The following STEAP3 variants were observed in gnomAD, a reference collection of about 807,000 sequenced individuals.
The protein encoded by STEAP3 is STEAP3 metalloreductase.
A neutral mutation model predicts 34.9 loss-of-function variants in STEAP3; 35 were observed. The ratio of observed to expected loss-of-function variants is 1.00; its 90% CI spans 0.76 to 1.33. STEAP3 has a LOEUF of 1.33. Among genes scored for constraint, STEAP3 ranks in the 40% most tolerant of loss-of-function variants. The pLI is 0.00. For synonymous variants in STEAP3, 281 were observed against 301.6 expected (o/e 0.93, Z 0.71); for missense variants, 652 against 667.6 (o/e 0.98, Z 0.26).
chr2:119,228,163 G>A (rs1298134523), intron 1 of STEAP3, among the ~76,000 whole-genome samples: 2 of 152,174 alleles, frequency 1.3e-5, no homozygotes, highest in Non-Finnish European at 1.5e-5. Flanking sequence ...GACTGGTGGG[G>A]TGGCCAGTAG....
At chr2:119,229,104 C>A (rs1050289343) in intron 1 of STEAP3, among the ~76,000 whole-genome samples, 11 of 152,188 alleles carry the variant, frequency 7.2e-5, no homozygotes, top group Non-Finnish European at 1.0e-4. Flanking sequence ...AACCCACCCA[C>A]TTAAACTGCC....
rs150662213 is a variant in STEAP3 at position 119,245,747 on chromosome 2, C to T, written c.281C>T (p.Pro94Leu). 86 of 1,614,084 alleles carry T rather than the reference C, an allele frequency of 5.3e-5. No individual in the cohort carries two copies. The highest frequency in any genetic ancestry group is 4.5e-4 in the Admixed American group (27 of 60,006). ...VTFQEEAVSS[P>L]EVIFVAVFRE... is the part of the protein sequence containing the mutation. ...TTCCAAGAGGAGGCAGTGAGCTCCC[C>T]GGAGGTCATCTTTGTGGCTGTGTTC... The change falls in exon 3 of 6, where the codon CCG (proline) becomes CTG (leucine). Residue 94 changes from proline to leucine, a missense_variant. By Grantham distance (98) the Pro-to-Leu change is moderately conservative (BLOSUM62 -3). Coordinates refer to ENST00000393110, the MANE Select transcript of STEAP3 (RefSeq NM_182915.3).
intron 5 of STEAP3, 90 bp downstream of exon 5, chr2:119,254,938 G>C: frequency 1.4e-6 from 2 of 1,477,404 alleles, no homozygotes; most frequent in Non-Finnish European, 1.8e-6. Flanking sequence ...AACTGCCTGG[G>C]CTCTGATCAT....
intron 2 of STEAP3, among the ~76,000 whole-genome samples, chr2:119,241,365 C>T (rs1004481030): frequency 1.3e-5 from 2 of 152,178 alleles, no homozygotes; most frequent in Admixed American, 1.3e-4. Flanking sequence ...GGCTCCGTCC[C>T]TACATCAGAA....
Position 119,248,209 on chromosome 2 carries a change from A to G in STEAP3, c.1050+3A>G. 1 of 1,574,036 alleles carries G rather than the reference A, an allele frequency of 6.4e-7. No individual in the cohort carries two copies. Among genetic ancestry groups the G allele is most frequent in the Non-Finnish European group, 8.6e-7 (1 of 1,158,704 alleles). ...TGGTCAACCTGGCAGTCAAGCAGGT[A>G]CCCACCCCATGCCCTTCCTCCCTCT... On this transcript the variant is annotated splice_donor_region_variant and intron_variant, in intron 4 of 5. Coordinates refer to ENST00000393110, the MANE Select transcript of STEAP3 (RefSeq NM_182915.3).
At chr2:119,254,961 A>G in intron 5 of STEAP3, 113 bp downstream of exon 5, 2 of 1,344,682 alleles carry the variant, frequency 1.5e-6, no homozygotes, top group Non-Finnish European at 2.0e-6. Flanking sequence ...GCACAGCAGG[A>G]CCACTCGGTG....
At chr2:119,240,654 G>A (rs893019257) in intron 2 of STEAP3, among the ~76,000 whole-genome samples, 20 of 152,236 alleles carry the variant, frequency 1.3e-4, no homozygotes, top group Admixed American at 1.2e-3. Flanking sequence ...AGAAGGAGGG[G>A]ACAGACAAGC....
intron 5 of STEAP3, among the ~76,000 whole-genome samples, chr2:119,255,777 T>C (rs1479332812): frequency 6.6e-6 from 1 of 151,768 alleles, no homozygotes; most frequent in African/African-American, 2.4e-5. Flanking sequence ...CAGAACATAC[T>C]CTGGGAAATG....
intron 5 of STEAP3, among the ~76,000 whole-genome samples, chr2:119,255,247 G>A (rs944821196): frequency 6.6e-6 from 1 of 152,132 alleles, no homozygotes; most frequent in East Asian, 1.9e-4. Context: ...AGTCTAGGGA[G>A]TGAGCGAGCC....
At chr2:119,245,389 T>C (rs1040949762) in intron 2 of STEAP3, 100 bp from the exon 3 acceptor site, 9 of 1,491,980 alleles carry the variant, frequency 6.0e-6, no homozygotes, top group Admixed American at 4.5e-5. Flanking sequence ...GCTGGGTGAA[T>C]GTCTGACTGC....
At chr2:119,231,342 CGTGTGT>C (rs6146901) in intron 2 of STEAP3, among the ~76,000 whole-genome samples, 3,515 of 143,558 alleles carry the variant, frequency 0.024, 66 homozygotes, top group African/African-American at 0.048. Flanking sequence ...CACACAGTTG[CGTGTGT>C]GTGTGTGTGT....
chr2:119,234,276 C>T lies in STEAP3; in HGVS notation c.22+3242C>T, dbSNP rs13408034. Among the ~76,000 whole-genome samples the T allele has an allele frequency of 9.8e-3, 1,493 of 152,336 alleles. 24 individuals are homozygous for T. The highest frequency in any genetic ancestry group is 0.034 in the African/African-American group (1,408 of 41,578). On this transcript the variant is annotated intron_variant, in intron 2 of 5. Coordinates refer to ENST00000393110, the MANE Select transcript of STEAP3 (RefSeq NM_182915.3). ...AGGGGAGGGGTGGGGGCAGCCACAG[C>T]CCACAAGACCCACCAGTCCCAGGGT...
At chr2:119,233,022 T>C (rs1007161311) in intron 2 of STEAP3, among the ~76,000 whole-genome samples, 1 of 152,196 alleles carries the variant, frequency 6.6e-6, no homozygotes, top group East Asian at 1.9e-4. Flanking sequence ...GAGCTTTGGG[T>C]GGGAAGTGGC....
Position 119,258,255 on chromosome 2 carries a change from G to A in STEAP3, c.1215+3407G>A, listed in dbSNP as rs184461153. 4.7e-3 allele frequency among the ~76,000 whole-genome samples: 686 copies of A among 145,872 alleles called. 11 individuals are homozygous for A. The South Asian group carries it at 0.071, about 15-fold the overall frequency. Reference sequence around the variant, plus strand: ...TATAATGAGCAACGAGGTCACTCTCGTTGCCATGTTGGTTTTGGTGCTTTT... The same window carrying A: ...TATAATGAGCAACGAGGTCACTCTCATTGCCATGTTGGTTTTGGTGCTTTT... On this transcript the variant is annotated intron_variant, in intron 5 of 5. Transcript: ENST00000393110.
chr2:119,233,153 C>A (rs1457254182), intron 2 of STEAP3, among the ~76,000 whole-genome samples: 1 of 152,172 alleles, frequency 6.6e-6, no homozygotes, highest in Non-Finnish European at 1.5e-5. Flanking sequence ...TGGGCAGAAC[C>A]CTCCAAATGG....
intron 1 of STEAP3, among the ~76,000 whole-genome samples, chr2:119,229,842 T>G (rs73948625): frequency 0.019 from 2,713 of 144,248 alleles, 88 homozygotes; most frequent in South Asian, 0.091. Flanking sequence ...GAAGGAGGGG[T>G]AGTGGAAGTC....
At chr2:119,232,266 C>G (rs988058515) in intron 2 of STEAP3, among the ~76,000 whole-genome samples, 1 of 152,192 alleles carries the variant, frequency 6.6e-6, no homozygotes, top group African/African-American at 2.4e-5. Context: ...CACAGTGGAT[C>G]CGGGGCAGGC....
chr2:119,262,576 C>T (rs1677973595), intron 5 of STEAP3, among the ~76,000 whole-genome samples: 1 of 152,136 alleles, frequency 6.6e-6, no homozygotes, highest in Admixed American at 6.5e-5. Context: ...CAGGGTCTCA[C>T]TATGTTGCCC....
chr2:119,237,889 T>C (rs1405722565), intron 2 of STEAP3, among the ~76,000 whole-genome samples: 1 of 152,212 alleles, frequency 6.6e-6, no homozygotes, highest in Non-Finnish European at 1.5e-5. Context: ...TCTCTATTGA[T>C]TTGTTTATTC....
Sources: allele counts gnomAD v4.1 joint callset (sites outside exome capture counted in the v4.1 genomes callset), GRCh38; gene constraint gnomAD v4.1.1; transcripts MANE v1.5; gene names NCBI Gene and HGNC (gene_info 2026-07-23, HGNC 2026-07-21).